EYS: variants seen among roughly 807,000 people sequenced by gnomAD.
EYS encodes EGF-like photoreceptor maintenance factor, also known as protein eyes shut homolog.
In EYS, 250 loss-of-function variants were observed where a neutral mutation model predicts 282.1. The observed-to-expected ratio is 0.89, with a 90% confidence interval of 0.80 to 0.98. The LOEUF (loss-of-function observed/expected upper bound fraction) is 0.98. EYS is among the 50% of genes least tolerant of loss of function. The probability of loss-of-function intolerance (pLI) is 0.00; values close to 1 mark genes in which losing one functional copy is unlikely to be tolerated. For synonymous variants in EYS, 1,355 were observed against 1,282.9 expected, an observed-to-expected ratio of 1.06 and a Z score of -1.20; for missense variants, 4,016 against 3,709.0, an observed-to-expected ratio of 1.08 and a Z score of -2.15.
At chr6:64,088,461 T>A (rs1002056117) in intron 31 of EYS, among the ~76,000 whole-genome samples, 2 of 152,034 alleles carry the variant, frequency 1.3e-5, no homozygotes, top group African/African-American at 4.8e-5. Context: ...TTAACTTTGA[T>A]ATGATTCACA....
At chr6:65,515,022 T>A (rs1188572930) in intron 2 of EYS, among the ~76,000 whole-genome samples, 1 of 152,070 alleles carries the variant, frequency 6.6e-6, no homozygotes, top group Non-Finnish European at 1.5e-5. Flanking sequence ...AATGGGAGAA[T>A]ATTTTCACAA....
At chr6:65,526,271 A>G (rs1289521198) in intron 2 of EYS, among the ~76,000 whole-genome samples, 1 of 152,212 alleles carries the variant, frequency 6.6e-6, no homozygotes, top group Non-Finnish European at 1.5e-5. Context: ...AGTTTTCAAT[A>G]CATGATATTT....
chr6:65,376,981 C>A (rs1382555136), intron 8 of EYS, among the ~76,000 whole-genome samples: 1 of 152,118 alleles, frequency 6.6e-6, no homozygotes, highest in African/African-American at 2.4e-5. Context: ...AGAAAATTAA[C>A]AAGGATATTC....
chr6:65,067,720 C>T (rs79456048), intron 12 of EYS, among the ~76,000 whole-genome samples: 4,155 of 152,114 alleles, frequency 0.027, 186 homozygotes, highest in African/African-American at 0.095. Flanking sequence ...ATAAAGTTGT[C>T]CACTCATGGA....
At chr6:65,494,409 C>T (rs60841915) in intron 4 of EYS, among the ~76,000 whole-genome samples, 7,401 of 151,958 alleles carry the variant, frequency 0.049, 504 homozygotes, top group African/African-American at 0.15. Context: ...TCCGGAGTAG[C>T]TGGGACTACA....
intron 35 of EYS, among the ~76,000 whole-genome samples, chr6:63,870,999 A>C (rs565727048): frequency 6.6e-6 from 1 of 152,134 alleles, no homozygotes; most frequent in Non-Finnish European, 1.5e-5. Flanking sequence ...AAGTGACTTC[A>C]CTTCCTACTC....
chr6:64,719,531 A>G (rs921057382), intron 22 of EYS, among the ~76,000 whole-genome samples: 1 of 152,224 alleles, frequency 6.6e-6, no homozygotes, highest in African/African-American at 2.4e-5. Context: ...GAACAAAAGA[A>G]AAATTCCTGA....
intron 6 of EYS, among the ~76,000 whole-genome samples, chr6:65,403,011 C>A (rs887124539): frequency 6.6e-6 from 1 of 151,988 alleles, no homozygotes; most frequent in Non-Finnish European, 1.5e-5. Flanking sequence ...GGCTAATAGG[C>A]CCAGTTCTGG....
At chr6:63,962,698 T>C (rs999582537) in intron 35 of EYS, among the ~76,000 whole-genome samples, 6 of 152,226 alleles carry the variant, frequency 3.9e-5, no homozygotes, top group African/African-American at 1.2e-4. Context: ...GAAGTCAGTG[T>C]GGTGATTCCT....
At chr6:63,864,439 A>G in intron 35 of EYS, 81 bp from the exon 36 acceptor site, 1 of 939,914 alleles carries the variant, frequency 1.1e-6, no homozygotes, top group Non-Finnish European at 1.5e-6. Context: ...CACATGCATG[A>G]ACACATATGC....
chr6:64,683,332 T>C (rs1387907510), intron 22 of EYS, among the ~76,000 whole-genome samples: 2 of 152,134 alleles, frequency 1.3e-5, no homozygotes, highest in Non-Finnish European at 2.9e-5. Context: ...AATATCAATA[T>C]ATTTAAGGAG....
chr6:64,766,160 T>A (rs1773326550), intron 22 of EYS, among the ~76,000 whole-genome samples: 1 of 151,422 alleles, frequency 6.6e-6, no homozygotes, highest in African/African-American at 2.4e-5. Flanking sequence ...ACTCCTGACC[T>A]CAGGGGATCC....
chr6:63,907,073 G>C (rs1333060708), intron 35 of EYS, among the ~76,000 whole-genome samples: 1 of 152,138 alleles, frequency 6.6e-6, no homozygotes, highest in Non-Finnish European at 1.5e-5. Context: ...CTGGACTCTG[G>C]TGTTCTATTT....
intron 13 of EYS, among the ~76,000 whole-genome samples, chr6:65,017,365 AC>A (rs377707555): frequency 2.0e-5 from 3 of 152,338 alleles, no homozygotes; most frequent in African/African-American, 7.2e-5. Flanking sequence ...TATGACTTAC[AC>A]TTTTAAATAA....
intron 2 of EYS, among the ~76,000 whole-genome samples, chr6:65,582,365 G>A (rs1350775539): frequency 6.6e-6 from 1 of 152,034 alleles, no homozygotes; most frequent in Admixed American, 6.6e-5. Flanking sequence ...ATCACCCACA[G>A]TCAGGACCAG....
chr6:65,706,779 T>C (rs932617958), intron 1 of EYS, among the ~76,000 whole-genome samples: 1 of 152,152 alleles, frequency 6.6e-6, no homozygotes, highest in South Asian at 2.1e-4. Context: ...ATGTATATGC[T>C]AGCAGACAAT....
chr6:63,744,134 T>C (rs2149644143), intron 41 of EYS: 1 of 152,352 alleles, frequency 6.6e-6, no homozygotes, highest in Admixed American at 6.5e-5. Context: ...TCTTTTCTTT[T>C]TATTATAATG....
chr6:65,024,867 G>A (rs1025594349), intron 13 of EYS, among the ~76,000 whole-genome samples: 1 of 152,076 alleles, frequency 6.6e-6, no homozygotes, highest in East Asian at 1.9e-4. Flanking sequence ...TTTCACTGAG[G>A]ACTATCATCA....
At chr6:64,225,088 C>A (rs1267770625) in intron 31 of EYS, among the ~76,000 whole-genome samples, 3 of 152,042 alleles carry the variant, frequency 2.0e-5, no homozygotes, top group Non-Finnish European at 4.4e-5. Context: ...GCGGATAGAC[C>A]AGTCTGCTCC....
Sources: allele counts gnomAD v4.1 joint callset (sites outside exome capture counted in the v4.1 genomes callset), GRCh38; gene constraint gnomAD v4.1.1; transcripts MANE v1.5; gene names NCBI Gene and HGNC (gene_info 2026-07-23, HGNC 2026-07-21).